PREX2: variants seen among roughly 807,000 people sequenced by gnomAD.
PREX2 encodes phosphatidylinositol-3,4,5-trisphosphate dependent Rac exchange factor 2.
In PREX2, 107 loss-of-function variants were observed where a neutral mutation model predicts 203.2. The observed-to-expected ratio is 0.53, with a 90% CI of 0.45 to 0.62. The LOEUF (loss-of-function observed/expected upper bound fraction) is 0.62. Among genes scored for constraint, PREX2 ranks in the 20% least tolerant of loss-of-function variants. PREX2 has a pLI of 0.00. For synonymous variants in PREX2, 672 were observed against 663.6 expected (o/e 1.01, Z -0.19); for missense variants, 1,777 against 1,955.9 (o/e 0.91, Z 1.72).
intron 20 of PREX2, among the ~76,000 whole-genome samples, chr8:68,092,616 T>C (rs1008752403): frequency 1.3e-5 from 2 of 152,190 alleles, no homozygotes; most frequent in Admixed American, 6.5e-5. Flanking sequence ...GGATGTTTTT[T>C]ATTTGGAGGG....
At chr8:68,143,137 G>A (rs1222210312) in intron 33 of PREX2, among the ~76,000 whole-genome samples, 2 of 152,140 alleles carry the variant, frequency 1.3e-5, no homozygotes, top group Non-Finnish European at 2.9e-5. Flanking sequence ...TAAAATTGGT[G>A]ATATAGTTTG....
At chr8:67,991,045 G>A (rs1806592192) in intron 1 of PREX2, among the ~76,000 whole-genome samples, 1 of 152,158 alleles carries the variant, frequency 6.6e-6, no homozygotes, top group Non-Finnish European at 1.5e-5. Context: ...CAGCTAACCC[G>A]ATTTGTATGT....
At chr8:68,127,979 CAT>C (rs1810929481) in intron 31 of PREX2, among the ~76,000 whole-genome samples, 1 of 151,508 alleles carries the variant, frequency 6.6e-6, no homozygotes, top group Non-Finnish European at 1.5e-5. Flanking sequence ...TAGTGGCTGG[CAT>C]ATAGATATTC....
intron 1 of PREX2, among the ~76,000 whole-genome samples, chr8:67,990,882 G>A (rs916600348): frequency 2.0e-5 from 3 of 152,122 alleles, no homozygotes; most frequent in African/African-American, 7.2e-5. Flanking sequence ...TTAGACATTA[G>A]TGATACAGTG....
At chr8:68,016,252 A>G (rs1165593745) in intron 1 of PREX2, among the ~76,000 whole-genome samples, 3 of 152,150 alleles carry the variant, frequency 2.0e-5, no homozygotes, top group African/African-American at 4.8e-5. Context: ...ATTAGCACAC[A>G]CCAATATTAT....
Position 68,085,835 on chromosome 8 carries a change from G to C in PREX2, c.2028-1889G>C, listed in dbSNP as rs1809670361. Among the ~76,000 whole-genome samples the C allele has an allele frequency of 2.6e-5, 4 of 152,132 alleles. No individual in the cohort carries two copies. The South Asian group carries it at 8.3e-4, about 32-fold the overall frequency. The stretch of plus-strand genomic sequence containing the variant: ...ATAGCAGTGTTAGAAGGATAGAAAA[G>C]CCTTGCTCAGTAAGATTGAGAGGCC... On this transcript the variant is annotated intron_variant, in intron 18 of 39. Coordinates refer to ENST00000288368, the MANE Select transcript of PREX2 (RefSeq NM_024870.4).
chr8:68,117,305 A>C (rs190505633), intron 26 of PREX2, among the ~76,000 whole-genome samples: 121 of 152,322 alleles, frequency 7.9e-4, no homozygotes, highest in Non-Finnish European at 1.1e-3. Context: ...TACCTATGAG[A>C]CCAGGTGGTC....
chr8:67,969,028 C>T (rs1048527628), intron 1 of PREX2, among the ~76,000 whole-genome samples: 9 of 152,126 alleles, frequency 5.9e-5, no homozygotes, highest in Non-Finnish European at 7.4e-5. Context: ...GATTTTCTGC[C>T]GCACTCTGCT....
At chr8:68,124,860 A>G (rs936349443) in intron 30 of PREX2, among the ~76,000 whole-genome samples, 6 of 152,000 alleles carry the variant, frequency 3.9e-5, no homozygotes, top group African/African-American at 1.2e-4. Context: ...ATGGGAGTCC[A>G]ATGGCTAGTT....
intron 1 of PREX2, among the ~76,000 whole-genome samples, chr8:67,965,475 T>A (rs1805740570): frequency 6.6e-6 from 1 of 151,072 alleles, no homozygotes; most frequent in Non-Finnish European, 1.5e-5. Context: ...AATTAACATA[T>A]GTAATTATTA....
At chr8:68,105,219 A>T in intron 23 of PREX2, 1 of 1,367,846 alleles carries the variant, frequency 7.3e-7, no homozygotes, top group Non-Finnish European at 9.8e-7. Context: ...CAGTGTAAGC[A>T]GCACATTTCC....
chr8:68,095,978 CGTATGGGGG>C (rs1810060104), intron 21 of PREX2, among the ~76,000 whole-genome samples: 1 of 152,022 alleles, frequency 6.6e-6, no homozygotes, highest in Non-Finnish European at 1.5e-5. Context: ...ACACACTGAT[CGTATGGGGG>C]GTACTTAGGA....
chr8:67,971,092 G>C (rs1805914185), intron 1 of PREX2, among the ~76,000 whole-genome samples: 1 of 152,098 alleles, frequency 6.6e-6, no homozygotes, highest in South Asian at 2.1e-4. Flanking sequence ...GGGTGATAAA[G>C]GTAGCTTGGG....
intron 39 of PREX2, among the ~76,000 whole-genome samples, chr8:68,228,248 A>G (rs1813090855): frequency 6.6e-6 from 1 of 152,170 alleles, no homozygotes; most frequent in Non-Finnish European, 1.5e-5. Flanking sequence ...GTTATGTCAC[A>G]AAATCTGGAA....
intron 35 of PREX2, among the ~76,000 whole-genome samples, chr8:68,174,323 A>C (rs1490541902): frequency 6.6e-6 from 1 of 152,168 alleles, no homozygotes; most frequent in Non-Finnish European, 1.5e-5. Flanking sequence ...TAAAGAATAG[A>C]TCTTTAGATT....
intron 14 of PREX2, among the ~76,000 whole-genome samples, chr8:68,076,685 T>TCACACACACACACACACA (rs57701553): frequency 8.6e-4 from 124 of 143,794 alleles, no homozygotes; most frequent in Admixed American, 5.4e-3. Flanking sequence ...AACTCTAAGG[T>TCACACACACACACACACA]CACACACACA....
intron 20 of PREX2, 62 bp from the exon 21 acceptor site, chr8:68,093,543 A>G: frequency 1.4e-6 from 1 of 706,304 alleles, no homozygotes; most frequent in Non-Finnish European, 2.4e-6. Context: ...CAAGTCTCCA[A>G]ATGGGCATGT....
rs567332325 is a variant in PREX2, at chr8:68,088,402, A to G, written c.2113+593A>G. Among the ~76,000 whole-genome samples, 23 of 152,362 alleles carry G rather than the reference A, an allele frequency of 1.5e-4. No individual in the cohort carries two copies. The South Asian group carries it at 3.5e-3, about 23-fold the overall frequency. ...GAAGGAAATAACTGTCAGATCCCACATTACTAAACATAGTAAGTAACTTGC... is the reference window on the plus strand; with the variant it reads ...GAAGGAAATAACTGTCAGATCCCACGTTACTAAACATAGTAAGTAACTTGC... On this transcript the variant is annotated intron_variant, in intron 19 of 39. Transcript: ENST00000288368.
chr8:68,198,971 C>T (rs1350868824), intron 37 of PREX2, among the ~76,000 whole-genome samples: 3 of 152,192 alleles, frequency 2.0e-5, no homozygotes, highest in Non-Finnish European at 4.4e-5. Flanking sequence ...CAAATCAAAA[C>T]ACTGGAGATC....
Sources: gnomAD v4.1 joint callset for allele counts (sites outside exome capture counted in the v4.1 genomes callset) on GRCh38, gnomAD v4.1.1 for gene constraint, MANE v1.5 for transcripts, NCBI Gene and HGNC (gene_info 2026-07-23, HGNC 2026-07-21) for gene names.